KIAA1217: variants seen among roughly 807,000 people sequenced by gnomAD.
The protein encoded by KIAA1217 is KIAA1217.
Under a neutral mutation model 163.9 loss-of-function variants are expected in KIAA1217, and 88 were observed. The ratio of observed to expected loss-of-function variants is 0.54; its 90% CI spans 0.45 to 0.64. The LOEUF is 0.64. KIAA1217 is among the 30% of genes least tolerant of loss of function. KIAA1217 has a pLI of 0.00. For missense variants in KIAA1217, 2,372 were observed against 2,475.0 expected, an observed-to-expected ratio of 0.96 and a Z score of 0.88; for synonymous variants, 903 against 923.1, an observed-to-expected ratio of 0.98 and a Z score of 0.39.
intron 2 of KIAA1217, among the ~76,000 whole-genome samples, chr10:24,111,247 T>G (rs1196852617): frequency 4.6e-5 from 7 of 152,222 alleles, no homozygotes; most frequent in Non-Finnish European, 1.0e-4. Context: ...GTGTTACAGT[T>G]TAATTAATGG....
chr10:24,424,070 A>ATT (rs201595833), intron 3 of KIAA1217, among the ~76,000 whole-genome samples: 1 of 147,776 alleles, frequency 6.8e-6, no homozygotes, highest in Non-Finnish European at 1.5e-5. Context: ...GTTATTCCAA[A>ATT]TTTTTTTTTT....
intron 1 of KIAA1217, among the ~76,000 whole-genome samples, chr10:23,794,785 G>C (rs143415754): frequency 6.6e-6 from 1 of 152,204 alleles, no homozygotes; most frequent in Non-Finnish European, 1.5e-5. Context: ...TGATTTTAAC[G>C]TGTATACGTG....
upstream of KIAA1217, chr10:24,209,063 G>C (rs2067740602): frequency 4.3e-6 from 3 of 693,414 alleles, no homozygotes. Context: ...GTGGAAAATA[G>C]TTTGGGGTGG....
intron 2 of KIAA1217, among the ~76,000 whole-genome samples, chr10:24,250,162 A>C (rs1244631406): frequency 2.6e-5 from 4 of 152,134 alleles, no homozygotes; most frequent in Non-Finnish European, 4.4e-5. Context: ...GGAATGTCAA[A>C]AGCATTTGTT....
At chr10:24,109,197 C>T (rs981366874) in intron 2 of KIAA1217, among the ~76,000 whole-genome samples, 1 of 152,138 alleles carries the variant, frequency 6.6e-6, no homozygotes, top group Non-Finnish European at 1.5e-5. Context: ...AGAGATGGAT[C>T]AACACCATGA....
intron 2 of KIAA1217, among the ~76,000 whole-genome samples, chr10:24,183,453 G>C (rs922785888): frequency 3.3e-5 from 5 of 152,076 alleles, no homozygotes; most frequent in Admixed American, 1.3e-4. Context: ...CTTCAGAAAA[G>C]AGAATAATGA....
At chr10:23,809,176 G>T (rs1308569965) in intron 1 of KIAA1217, among the ~76,000 whole-genome samples, 1 of 151,916 alleles carries the variant, frequency 6.6e-6, no homozygotes, top group East Asian at 1.9e-4. Context: ...ATACAGTAAA[G>T]AATGATGAAT....
chr10:24,017,025 T>C (rs1847508034), intron 2 of KIAA1217, among the ~76,000 whole-genome samples: 1 of 147,048 alleles, frequency 6.8e-6, no homozygotes, highest in Non-Finnish European at 1.5e-5. Flanking sequence ...GTTTCGTTGG[T>C]TAGTTAGTTT....
chr10:23,901,233 A>G (rs1479282147), intron 1 of KIAA1217, among the ~76,000 whole-genome samples: 1 of 152,116 alleles, frequency 6.6e-6, no homozygotes, highest in Non-Finnish European at 1.5e-5. Context: ...TAACTTGCTC[A>G]AGATCTCCCT....
Position 24,171,474 on chromosome 10 carries a change from A to T in KIAA1217, c.-170-48152A>T, listed in dbSNP as rs1274967826. Among the ~76,000 whole-genome samples the T allele has an allele frequency of 3.9e-5, 6 of 152,226 alleles. No individual in the cohort carries two copies. The East Asian group carries it at 1.2e-3, about 29-fold the overall frequency. The stretch of plus-strand genomic sequence containing the variant: ...AATGTTTAATTTCCAAATTACAATA[A>T]ATGTTTTTAAAAGTTAATATTGTTT... On this transcript the variant is annotated intron_variant, in intron 2 of 18. Transcript: ENST00000376462.
chr10:24,300,895 C>T (rs2041242418), intron 2 of KIAA1217, among the ~76,000 whole-genome samples: 1 of 152,158 alleles, frequency 6.6e-6, no homozygotes, highest in South Asian at 2.1e-4. Flanking sequence ...TCACTGCAAC[C>T]TCTGCCTTCC....
At chr10:24,359,112 T>G (rs1457735249) in intron 2 of KIAA1217, among the ~76,000 whole-genome samples, 1 of 141,166 alleles carries the variant, frequency 7.1e-6, no homozygotes, top group African/African-American at 2.7e-5. Flanking sequence ...TTTTTTGAGA[T>G]AGAGTCTCAC....
intron 1 of KIAA1217, among the ~76,000 whole-genome samples, chr10:23,757,558 C>T (rs1189434074): frequency 6.6e-6 from 1 of 152,050 alleles, no homozygotes; most frequent in African/African-American, 2.4e-5. Flanking sequence ...CACTCTGTCG[C>T]CCAGGCTGGA....
At chr10:24,041,172 A>G (rs1190840357) in intron 2 of KIAA1217, among the ~76,000 whole-genome samples, 1 of 152,228 alleles carries the variant, frequency 6.6e-6, no homozygotes, top group Non-Finnish European at 1.5e-5. Context: ...TTTATAGTTC[A>G]TAGAGAGTTT....
At chr10:23,850,908 C>T (rs991332425) in intron 1 of KIAA1217, among the ~76,000 whole-genome samples, 9 of 152,042 alleles carry the variant, frequency 5.9e-5, no homozygotes, top group African/African-American at 1.9e-4. Context: ...TAAACAACCA[C>T]GTCTCGTGAG....
At chr10:23,850,526 A>G (rs957386018) in intron 1 of KIAA1217, among the ~76,000 whole-genome samples, 2 of 152,262 alleles carry the variant, frequency 1.3e-5, no homozygotes, top group Non-Finnish European at 2.9e-5. Flanking sequence ...AGAGGCAAAG[A>G]TTGACACACC....
intron 1 of KIAA1217, among the ~76,000 whole-genome samples, chr10:23,993,029 C>CTTTTTT (rs1188657000): frequency 6.7e-5 from 8 of 118,626 alleles, no homozygotes; most frequent in Non-Finnish European, 1.0e-4. Context: ...TGATAGCTTC[C>CTTTTTT]TTTTTTTTTT....
At chr10:24,218,922 A>T (rs529065551) in intron 1 of KIAA1217, among the ~76,000 whole-genome samples, 16 of 152,280 alleles carry the variant, frequency 1.1e-4, no homozygotes, top group Non-Finnish European at 2.1e-4. Flanking sequence ...GTTCTTGGTG[A>T]TGAAGCAAAT....
intron 1 of KIAA1217, among the ~76,000 whole-genome samples, chr10:23,940,644 A>G (rs980450287): frequency 7.9e-5 from 12 of 152,186 alleles, no homozygotes; most frequent in African/African-American, 2.9e-4. Context: ...ATTATTTGTA[A>G]CTGCACATGA....
Sources: allele counts gnomAD v4.1 joint callset (sites outside exome capture counted in the v4.1 genomes callset), GRCh38; gene constraint gnomAD v4.1.1; transcripts MANE v1.5; gene names NCBI Gene and HGNC (gene_info 2026-07-23, HGNC 2026-07-21).